The following RXFP1 variants were observed in gnomAD, a reference collection of about 807,000 sequenced individuals.
RXFP1 encodes relaxin receptor 1.
Under a neutral mutation model 89.8 loss-of-function variants are expected in RXFP1, and 73 were observed. The observed-to-expected ratio is 0.81, with a 90% confidence interval of 0.67 to 0.99. The LOEUF (loss-of-function observed/expected upper bound fraction) is 0.99, where lower values mean the gene tolerates loss of function less well. Among genes scored for constraint, RXFP1 ranks in the 50% least tolerant of loss-of-function variants. The probability of loss-of-function intolerance (pLI) is 0.00; values close to 1 mark genes in which losing one functional copy is unlikely to be tolerated. For synonymous variants in RXFP1, 277 were observed against 305.5 expected (o/e 0.91, Z 0.97); for missense variants, 793 against 895.5 (o/e 0.89, Z 1.46).
At position 158,617,425 on chromosome 4, in the gene RXFP1, A is replaced by AT. The variant is rs1276801770; in HGVS notation, c.755+220_755+221insT. On this transcript the variant is annotated intron_variant, in intron 9 of 17. Coordinates refer to ENST00000307765, the MANE Select transcript of RXFP1 (RefSeq NM_021634.4). ...TCAGCAAAATAAAACATCTCAAAAA[A>AT]AATATATATATATATATATATACTG... 2.1e-3 allele frequency among the ~76,000 whole-genome samples: 315 copies of AT among 149,086 alleles called. 2 individuals are homozygous for AT. The highest frequency in any genetic ancestry group is 6.1e-3 in the African/African-American group (247 of 40,260).
At chr4:158,629,173 C>A (rs1767539901) in intron 11 of RXFP1, among the ~76,000 whole-genome samples, 1 of 151,978 alleles carries the variant, frequency 6.6e-6, no homozygotes, top group African/African-American at 2.4e-5. Flanking sequence ...GCCTCAGCCT[C>A]CTGAGTAGCT....
intron 1 of RXFP1, among the ~76,000 whole-genome samples, chr4:158,527,884 T>C (rs1742982925): frequency 6.6e-6 from 1 of 152,118 alleles, no homozygotes; most frequent in South Asian, 2.1e-4. Context: ...TATTCTTAAC[T>C]CACTTTTAAA....
chr4:158,538,649 G>C (rs892124742), intron 1 of RXFP1, among the ~76,000 whole-genome samples: 1 of 151,972 alleles, frequency 6.6e-6, no homozygotes, highest in African/African-American at 2.4e-5. Context: ...CCCCATTTCT[G>C]CTAAAAATAC....
chr4:158,546,539 G>A (rs1389377926), intron 1 of RXFP1, among the ~76,000 whole-genome samples: 1 of 152,196 alleles, frequency 6.6e-6, no homozygotes, highest in Non-Finnish European at 1.5e-5. Context: ...AGTTTTCAAA[G>A]GGAATGCTTC....
intron 2 of RXFP1, among the ~76,000 whole-genome samples, chr4:158,590,953 G>T (rs1355158286): frequency 6.6e-6 from 1 of 152,174 alleles, no homozygotes; most frequent in Non-Finnish European, 1.5e-5. Context: ...AGAAGCATTT[G>T]CTTCTGTCAC....
intron 1 of RXFP1, among the ~76,000 whole-genome samples, chr4:158,549,482 C>T (rs1029233624): frequency 4.6e-5 from 7 of 152,186 alleles, no homozygotes; most frequent in Admixed American, 1.3e-4. Flanking sequence ...GGCTTTGTTC[C>T]GTTGCTAGTG....
chr4:158,588,619 C>A (rs574456330), intron 2 of RXFP1, among the ~76,000 whole-genome samples: 1 of 152,210 alleles, frequency 6.6e-6, no homozygotes, highest in East Asian at 1.9e-4. Context: ...CCTTATACCT[C>A]TCTTCTAACC....
At chr4:158,587,488 C>A (rs2150048963) in intron 2 of RXFP1, among the ~76,000 whole-genome samples, 1 of 152,126 alleles carries the variant, frequency 6.6e-6, no homozygotes, top group South Asian at 2.1e-4. Flanking sequence ...ATAATTCACA[C>A]AATACTGATG....
chr4:158,549,233 T>C (rs1749418958), intron 1 of RXFP1, among the ~76,000 whole-genome samples: 2 of 152,160 alleles, frequency 1.3e-5, no homozygotes, highest in Admixed American at 6.5e-5. Flanking sequence ...TTTCTTCCAG[T>C]TGATCGCATC....
At chr4:158,604,262 T>C (rs772000092) in intron 4 of RXFP1, among the ~76,000 whole-genome samples, 2 of 152,164 alleles carry the variant, frequency 1.3e-5, no homozygotes, top group African/African-American at 4.8e-5. Context: ...CGTGGTACTA[T>C]ATAATGATAG....
At chr4:158,598,520 A>C (rs1485774617) in intron 3 of RXFP1, among the ~76,000 whole-genome samples, 2 of 152,194 alleles carry the variant, frequency 1.3e-5, no homozygotes, top group Non-Finnish European at 2.9e-5. Context: ...CAGAGCAGGA[A>C]TCAAACTATA....
intron 3 of RXFP1, among the ~76,000 whole-genome samples, chr4:158,598,544 A>G (rs931370033): frequency 6.6e-6 from 1 of 152,184 alleles, no homozygotes; most frequent in Non-Finnish European, 1.5e-5. Flanking sequence ...ATTATCCTAA[A>G]TAATAATCTC....
At chr4:158,537,737 T>C (rs1745614737) in intron 1 of RXFP1, among the ~76,000 whole-genome samples, 1 of 152,166 alleles carries the variant, frequency 6.6e-6, no homozygotes, top group South Asian at 2.1e-4. Flanking sequence ...CCCTCACCTA[T>C]GGGAATTTAT....
chr4:158,549,799 GTTCC>G (rs933694005), intron 1 of RXFP1, among the ~76,000 whole-genome samples: 4 of 152,198 alleles, frequency 2.6e-5, no homozygotes, highest in Non-Finnish European at 5.9e-5. Context: ...CTGCCTGATT[GTTCC>G]TCTGGAAGTT....
At chr4:158,626,641 A>G (rs1766900231) in intron 9 of RXFP1, among the ~76,000 whole-genome samples, 179 bp from the exon 10 acceptor site, 1 of 152,054 alleles carries the variant, frequency 6.6e-6, no homozygotes. Context: ...AAAAAAGTGT[A>G]TAATATAGAT....
chr4:158,572,013 T>A (rs546433169), intron 1 of RXFP1, among the ~76,000 whole-genome samples: 3 of 152,286 alleles, frequency 2.0e-5, no homozygotes, highest in African/African-American at 7.2e-5. Context: ...GTCTTTTAGG[T>A]CTTTTTGCAG....
chr4:158,559,027 G>C (rs1161716628), intron 1 of RXFP1, among the ~76,000 whole-genome samples: 1 of 152,130 alleles, frequency 6.6e-6, no homozygotes, highest in Non-Finnish European at 1.5e-5. Context: ...TACAAAAAAA[G>C]GTTAATCTGG....
Position 158,572,965 on chromosome 4 carries a change from C to A in RXFP1, c.187+130C>A, listed in dbSNP as rs1755412452. On this transcript the variant is annotated intron_variant, in intron 2 of 17. Coordinates refer to ENST00000307765, the MANE Select transcript of RXFP1 (RefSeq NM_021634.4). ...CAAAACATATGTTGCTTAAGGAAATCTTACACTTATTTCAGTAGCTTAAAA... is the reference window on the plus strand; with the variant it reads ...CAAAACATATGTTGCTTAAGGAAATATTACACTTATTTCAGTAGCTTAAAA... 3.5e-5 allele frequency: 47 copies of A among 1,324,004 alleles called. 1 individual carries two copies. The South Asian group carries it at 6.8e-4, about 19-fold the overall frequency. The allele number at this position is 1,324,004 out of a possible 1,614,324, so 82.0% of individuals were successfully genotyped here.
In RXFP1 at chr4:158,524,628, A is replaced by AT. The variant is rs552225693; in HGVS notation, c.49+2609dup. Among the ~76,000 whole-genome samples, 349 of 152,272 alleles carry AT rather than the reference A, an allele frequency of 2.3e-3. 1 individual carries two copies. Among genetic ancestry groups the AT allele is most frequent in the African/African-American group, 6.6e-3 (275 of 41,554 alleles). On this transcript the variant is annotated intron_variant, in intron 1 of 17. Transcript: ENST00000307765. Reference sequence around the variant, plus strand: ...AATTAATTGTATTGTGCCAATGTTAATTTTTTAGTTTTGTAATGTACTAAA... The same window carrying AT: ...AATTAATTGTATTGTGCCAATGTTAATTTTTTTAGTTTTGTAATGTACTAAA...
Sources: gnomAD v4.1 joint callset for allele counts (sites outside exome capture counted in the v4.1 genomes callset) on GRCh38, gnomAD v4.1.1 for gene constraint, MANE v1.5 for transcripts, NCBI Gene and HGNC (gene_info 2026-07-23, HGNC 2026-07-21) for gene names.